Variants in FAIM2 observed in about 807,000 individuals in gnomAD.
FAIM2 encodes protein lifeguard 2.
Under a neutral mutation model 47.4 loss-of-function variants are expected in FAIM2, and 27 were observed. The ratio of observed to expected loss-of-function variants is 0.57; its 90% CI spans 0.42 to 0.78. The LOEUF (loss-of-function observed/expected upper bound fraction) is 0.78. FAIM2 is among the 30% of genes least tolerant of loss of function. The probability of loss-of-function intolerance (pLI) is 0.00; values close to 1 mark genes in which losing one functional copy is unlikely to be tolerated. For missense variants in FAIM2, 311 were observed against 389.4 expected (o/e 0.80, Z 1.69); for synonymous variants, 156 against 159.3 (o/e 0.98, Z 0.16).
chr12:49,885,918 C>T (rs1032851329), intron 11 of FAIM2, among the ~76,000 whole-genome samples: 5 of 152,110 alleles, frequency 3.3e-5, no homozygotes, highest in South Asian at 2.1e-4. Flanking sequence ...GGAGAGGACG[C>T]GTGAATGAAC....
rs1449865396 is a variant in FAIM2 at position 49,869,155 on chromosome 12, C to T, written c.*1349G>A. 6.6e-6 allele frequency: 1 copy of T among 152,592 alleles called. No homozygotes were observed. Among genetic ancestry groups the T allele is most frequent in the Non-Finnish European group, 1.5e-5 (1 of 68,278 alleles). 9.5% of individuals were successfully genotyped at this position (152,592 alleles called of 1,614,324 possible). On this transcript the variant is annotated 3_prime_UTR_variant, in exon 12 of 12. Coordinates refer to ENST00000320634, the MANE Select transcript of FAIM2 (RefSeq NM_012306.4). ...TGGCTGCACGCTCCCCCAGTGTGGC[C>T]TCCTGGTTCCCTCCCCACAGGCGCC...
At chr12:49,871,724 T>C (rs1946704711) in intron 11 of FAIM2, among the ~76,000 whole-genome samples, 1 of 151,318 alleles carries the variant, frequency 6.6e-6, no homozygotes, top group African/African-American at 2.4e-5. Context: ...CGGAGTGCAA[T>C]GGCGTGATCT....
At position 49,879,267 on chromosome 12, in the gene FAIM2, CATGTGTATATGTGTGT is replaced by C. The variant is rs1467398612; in HGVS notation, c.801+8103_801+8118del. On this transcript the variant is annotated intron_variant, in intron 11 of 11. Transcript: ENST00000320634. ...ATGTGTGTGCATGTGTGTATGTGTG[CATGTGTATATGTGTGT>C]ATGTGTGTGGGTATGTGTATGCATG... Among the ~76,000 whole-genome samples, 4 of 71,836 alleles carry C rather than the reference CATGTGTATATGTGTGT, an allele frequency of 5.6e-5. 1 individual carries two copies. The highest frequency in any genetic ancestry group is 1.0e-4 in the Non-Finnish European group (4 of 39,960). 47.1% of individuals were successfully genotyped at this position (71,836 alleles called of 152,430 possible).
At chr12:49,894,186 G>T (rs1565619052) in intron 5 of FAIM2, among the ~76,000 whole-genome samples, 1 of 152,212 alleles carries the variant, frequency 6.6e-6, no homozygotes, top group Admixed American at 6.5e-5. Context: ...CCTGTTGGGA[G>T]GACTGATGAG....
intron 11 of FAIM2, among the ~76,000 whole-genome samples, chr12:49,876,162 A>C (rs1291291564): frequency 2.0e-5 from 3 of 152,230 alleles, no homozygotes; most frequent in Non-Finnish European, 4.4e-5. Flanking sequence ...CTCAGACCTC[A>C]GATAACTTAC....
At chr12:49,902,705 GC>G (rs5798116) in intron 1 of FAIM2, 1 of 151,258 alleles carries the variant, frequency 6.6e-6, no homozygotes, top group African/African-American at 2.4e-5. Context: ...CCACTCCCCA[GC>G]CCCCCTCATC....
At chr12:49,889,451 G>T in intron 9 of FAIM2, 30 bp downstream of exon 9, 1 of 1,598,906 alleles carries the variant, frequency 6.3e-7, no homozygotes, top group Non-Finnish European at 8.6e-7. Context: ...CTCAGGCCAG[G>T]GGTCCCTGCC....
In FAIM2 at chr12:49,890,768, C is replaced by A. The variant is rs369337017; in HGVS notation, c.486-46G>T. On this transcript the variant is annotated intron_variant, in intron 6 of 11. Transcript: ENST00000320634. ...TTCAGGGGATCGTAGGGGGTGGGGG[C>A]AGTGGACCCAGGCTGTGACACTGTT... 830 of 1,560,234 alleles carry A rather than the reference C, an allele frequency of 5.3e-4. 1 individual carries two copies. Among genetic ancestry groups the A allele is most frequent in the Non-Finnish European group, 6.5e-4 (733 of 1,130,934 alleles).
intron 5 of FAIM2, among the ~76,000 whole-genome samples, chr12:49,892,738 G>C (rs1295846687): frequency 2.0e-5 from 3 of 152,112 alleles, no homozygotes; most frequent in Non-Finnish European, 4.4e-5. Flanking sequence ...TCATCCACCT[G>C]ACTTGCTCAC....
chr12:49,879,614 G>T (rs929576887), intron 11 of FAIM2, among the ~76,000 whole-genome samples: 3 of 151,862 alleles, frequency 2.0e-5, no homozygotes, highest in African/African-American at 7.3e-5. Context: ...GTGTATGTGT[G>T]TGCATGTGTG....
chr12:49,897,077 C>T lies in FAIM2; in HGVS notation c.388G>A (p.Val130Ile), dbSNP rs1034426994. The T allele has an allele frequency of 1.9e-6, 3 of 1,613,332 alleles. No individual in the cohort carries two copies. Among genetic ancestry groups the T allele is most frequent in the African/African-American group, 2.7e-5 (2 of 74,888 alleles). Reference protein sequence around the residue: ...VVALFTFCDPVKDYVQANPGW... With the variant: ...VVALFTFCDPIKDYVQANPGW... Reference sequence around the variant, plus strand: ...GGGTTGGCCTGGACATAGTCCTTGACAGGGTCACTGCAGAGAAGAGAGAGT... The same window carrying T: ...GGGTTGGCCTGGACATAGTCCTTGATAGGGTCACTGCAGAGAAGAGAGAGT... The change falls in exon 5 of 12, where the codon GTC becomes ATC. Residue 130 changes from valine to isoleucine, a missense_variant. Coordinates refer to ENST00000320634, the MANE Select transcript of FAIM2 (RefSeq NM_012306.4).
At chr12:49,891,202 C>T in intron 5 of FAIM2, 88 bp from the exon 6 acceptor site, 1 of 1,281,334 alleles carries the variant, frequency 7.8e-7, no homozygotes, top group Non-Finnish European at 1.1e-6. Flanking sequence ...CTCTGCCACC[C>T]CCACCCACAG....
rs137884826 is a variant in FAIM2, at chr12:49,874,440, G to A, written c.802-3787C>T. Reference sequence around the variant, plus strand: ...AGGGGAGGAGTGGGCTTGCAGGGAGGGAGGGAGCATGTGCAGAGGGCACAG... The same window carrying A: ...AGGGGAGGAGTGGGCTTGCAGGGAGAGAGGGAGCATGTGCAGAGGGCACAG... On this transcript the variant is annotated intron_variant, in intron 11 of 11. Transcript: ENST00000320634. The surrounding 1 kb of genome is among the most constrained non-coding windows in gnomAD (Gnocchi z 4.2). 0.011 allele frequency among the ~76,000 whole-genome samples: 1,670 copies of A among 152,304 alleles called. 20 individuals are homozygous for A. Among genetic ancestry groups the A allele is most frequent in the Non-Finnish European group, 0.017 (1,161 of 68,016 alleles).
intron 10 of FAIM2, among the ~76,000 whole-genome samples, chr12:49,888,064 T>TCCTCCAG (rs1258315938): frequency 1.3e-5 from 2 of 152,166 alleles, no homozygotes; most frequent in African/African-American, 4.8e-5. Context: ...GGCACCGCAC[T>TCCTCCAG]AGGGCCCTCC....
At chr12:49,889,260 C>T in intron 9 of FAIM2, 58 bp from the exon 10 acceptor site, 1 of 1,347,636 alleles carries the variant, frequency 7.4e-7, no homozygotes, top group Non-Finnish European at 1.0e-6. Flanking sequence ...GGGGCCCCAA[C>T]TACAGGCTGA....
chr12:49,871,382 G>C (rs1221678710), intron 11 of FAIM2, among the ~76,000 whole-genome samples: 1 of 152,088 alleles, frequency 6.6e-6, no homozygotes, highest in Non-Finnish European at 1.5e-5. Context: ...CTTCCCTGGG[G>C]CCCTGCTTGG....
chr12:49,903,157 A>C (rs1946992756), intron 1 of FAIM2, among the ~76,000 whole-genome samples: 1 of 152,162 alleles, frequency 6.6e-6, no homozygotes, highest in Non-Finnish European at 1.5e-5. Flanking sequence ...CCTCCCCTAC[A>C]ATTCAGGCCT....
intron 11 of FAIM2, among the ~76,000 whole-genome samples, chr12:49,875,608 C>A (rs1338436091): frequency 2.0e-5 from 3 of 152,128 alleles, no homozygotes; most frequent in African/African-American, 7.2e-5. Context: ...GCATTCGAAT[C>A]AAAAAGCCTG....
chr12:49,901,177 G>C lies in FAIM2; in HGVS notation c.164C>G (p.Ala55Gly), dbSNP rs779775046. ...EGMKAGAFPP[A>G]PTAVPLHPSW... ...AGGGTGGAGAGGCACCGCTGTGGGG[G>C]CTGGGGGGAAGGCCCCTGCCTTCAT... Residue 55 changes from alanine to glycine, a missense_variant, in exon 2 of 12, where the codon GCC (alanine) becomes GGC (glycine). By Grantham distance (60) the Ala-to-Gly change is moderately conservative (BLOSUM62 0). Transcript: ENST00000320634. 8 of 1,607,520 alleles carry C rather than the reference G, an allele frequency of 5.0e-6. No homozygotes were observed. The African/African-American group carries it at 9.4e-5, about 19-fold the overall frequency.
Sources: allele counts gnomAD v4.1 joint callset (sites outside exome capture counted in the v4.1 genomes callset), GRCh38; gene constraint gnomAD v4.1.1; non-coding constraint Gnocchi (gnomAD v3.1); transcripts MANE v1.5; gene names NCBI Gene and HGNC (gene_info 2026-07-23, HGNC 2026-07-21).